Variants in KCP observed in about 807,000 individuals in gnomAD.
The protein encoded by KCP is kielin/chordin-like protein.
In KCP, 194 loss-of-function variants were observed where a neutral mutation model predicts 212.7. That is an observed-to-expected ratio of 0.91 (90% CI 0.81 to 1.03). KCP has a LOEUF of 1.03. Among genes scored for constraint, KCP ranks in the 50% least tolerant of loss-of-function variants. The pLI is 0.00. For synonymous variants in KCP, 833 were observed against 865.3 expected (o/e 0.96, Z 0.65); for missense variants, 2,080 against 2,162.5 (o/e 0.96, Z 0.76).
Position 128,877,077 on chromosome 7 carries a change from G to A in KCP, c.4853C>T (p.Pro1618Leu), listed in dbSNP as rs1164149153. 147 of 1,521,878 alleles carry A rather than the reference G, an allele frequency of 9.7e-5. No homozygotes were observed. Among genetic ancestry groups the A allele is most frequent in the Non-Finnish European group, 1.3e-4 (145 of 1,139,088 alleles). The allele number at this position is 1,521,878 out of a possible 1,614,324, so 94.3% of individuals were successfully genotyped here. The change falls in exon 40 of 40, where the codon CCC (proline) becomes CTC (leucine). Residue 1618 changes from proline (P) to leucine (L), a missense_variant. Transcript: ENST00000610776. The stretch of plus-strand genomic sequence containing the variant: ...CTCCTGGGGCTCCCGGCTGGGGCTG[G>A]GCCGAGCACCAAGTGGCTGGTCTCC... ...LTGDQPLGAR[P>L]SPSREPQETP
rs1393591989 is a variant in KCP, at chr7:128,877,314, G to T, written c.4619-3C>A. 6.5e-7 allele frequency: 1 copy of T among 1,526,788 alleles called. No individual in the cohort carries two copies. The highest frequency in any genetic ancestry group is 8.8e-7 in the Non-Finnish European group (1 of 1,139,200). The allele number at this position is 1,526,788 out of a possible 1,614,324, so 94.6% of individuals were successfully genotyped here. On this transcript the variant is annotated splice_region_variant and splice_polypyrimidine_tract_variant and intron_variant, in intron 39 of 39. Transcript: ENST00000610776. ...ACGCTCCAGGGGGCAGCCTACCACT[G>T]CAGGGGGAGTGGGAGGCGGGGTTAC...
At chr7:128,896,628 C>G (rs1794540112) in intron 8 of KCP, among the ~76,000 whole-genome samples, 1 of 152,054 alleles carries the variant, frequency 6.6e-6, no homozygotes, top group African/African-American at 2.4e-5. Context: ...CGGTGGCTCA[C>G]ACACCTGTAA....
rs757813837 is a variant in KCP, at chr7:128,893,419, C to T, written c.1157G>A (p.Arg386Gln). 27 of 1,551,654 alleles carry T rather than the reference C, an allele frequency of 1.7e-5. No individual in the cohort carries two copies. The East Asian group carries it at 3.2e-4, about 18-fold the overall frequency. The change falls in exon 12 of 40, where the codon CGG becomes CAG. Residue 386 changes from arginine to glutamine, a missense_variant. Arg to Gln is a conservative substitution (Grantham distance 43). Transcript: ENST00000610776. ...GCAGGAGCAGCGGACACAGAGGCCC[C>T]GCTCTTGGAGTCTGAAGGTCTCCTG... Reference protein sequence around the residue: ...QSQETFRLQERGLCVRCSCQA... With the variant: ...QSQETFRLQEQGLCVRCSCQA...
chr7:128,877,799 G>A lies in KCP; in HGVS notation c.4312-9C>T. The A allele has an allele frequency of 6.5e-7, 1 of 1,542,236 alleles. No individual in the cohort carries two copies. Among genetic ancestry groups the A allele is most frequent in the South Asian group, 1.2e-5 (1 of 83,114 alleles). ...CACAGCCCCTCTGAGACCTGGGTGG[G>A]GAGAGCAGCCCTGACGTGACAGCAC... On this transcript the variant is annotated splice_polypyrimidine_tract_variant and intron_variant, in intron 38 of 39. Coordinates refer to ENST00000610776, the MANE Select transcript of KCP (RefSeq NM_001366122.1).
intron 32 of KCP, 109 bp from the exon 33 acceptor site, chr7:128,880,830 A>G: frequency 2.5e-6 from 1 of 402,090 alleles, no homozygotes; most frequent in Non-Finnish European, 4.4e-6. Context: ...CCCACAATAC[A>G]TTCTTCACAG....
In KCP at chr7:128,886,525, G is replaced by A. The variant is rs1323583090; in HGVS notation, c.2805C>T (p.Cys935=). 1 of 1,550,902 alleles carries A rather than the reference G, an allele frequency of 6.4e-7. No individual in the cohort carries two copies. Among genetic ancestry groups the A allele is most frequent in the East Asian group, 2.4e-5 (1 of 40,914 alleles). ...AGQVSCVRLQ[C]PPLPCKLQVT... is the part of the protein sequence containing the mutation. Reference sequence around the variant, plus strand: ...CCTGGAGCTTGCAGGGAAGGGGTGGGCACTGCAGCCGCACACAGCTGACCT... The same window carrying A: ...CCTGGAGCTTGCAGGGAAGGGGTGGACACTGCAGCCGCACACAGCTGACCT... Residue 935 remains cysteine, a synonymous_variant, in exon 26 of 40, where the codon TGC becomes TGT. Coordinates refer to ENST00000610776, the MANE Select transcript of KCP (RefSeq NM_001366122.1).
intron 8 of KCP, among the ~76,000 whole-genome samples, chr7:128,898,412 A>G (rs983437728): frequency 2.6e-5 from 4 of 152,196 alleles, no homozygotes; most frequent in Admixed American, 2.6e-4. Flanking sequence ...AAGGCCTGGG[A>G]CATGTGGAGT....
intron 37 of KCP, 43 bp from the exon 38 acceptor site, chr7:128,878,765 G>C: frequency 6.5e-7 from 1 of 1,529,030 alleles, no homozygotes; most frequent in Non-Finnish European, 8.8e-7. Flanking sequence ...GAAGGACAGG[G>C]GCCTTAAGAA....
At position 128,892,849 on chromosome 7, in the gene KCP, G is replaced by A. The variant is rs1794252616; in HGVS notation, c.1420+20C>T. The A allele has an allele frequency of 6.4e-7, 1 of 1,551,002 alleles. No individual in the cohort carries two copies. Among genetic ancestry groups the A allele is most frequent in the Non-Finnish European group, 8.7e-7 (1 of 1,146,658 alleles). ...TGGGTAATGCAGGGGAAGAAAGCCA[G>A]GATCAGCCCAGGCACTCACCAGGGG... On this transcript the variant is annotated intron_variant, in intron 14 of 39. Coordinates refer to ENST00000610776, the MANE Select transcript of KCP (RefSeq NM_001366122.1).
Position 128,887,267 on chromosome 7 carries a change from C to A in KCP, c.2546G>T (p.Gly849Val), listed in dbSNP as rs1462919712. ...CRYHGVTTAS[G>V]ETLPDPLDPT... The stretch of plus-strand genomic sequence containing the variant: ...GTCAAGTGGGTCAGGAAGGGTCTCT[C>A]CGGAGGCAGTAGTGACGCCATGGTA... Residue 849 changes from glycine to valine, a missense_variant, in exon 23 of 40, where the codon GGA (glycine) becomes GTA (valine). Gly to Val is a moderately radical substitution (Grantham distance 109). Transcript: ENST00000610776. 1 of 1,551,382 alleles carries A rather than the reference C, an allele frequency of 6.4e-7. No individual in the cohort carries two copies. Among genetic ancestry groups the A allele is most frequent in the Admixed American group, 2.0e-5 (1 of 50,976 alleles).
In KCP at chr7:128,908,626, T is replaced by TGTC; in HGVS notation, c.77-59_77-58insGAC. 6 of 1,512,988 alleles carry TGTC rather than the reference T, an allele frequency of 4.0e-6. No individual in the cohort carries two copies. The South Asian group carries it at 7.4e-5, about 19-fold the overall frequency. The allele number at this position is 1,512,988 out of a possible 1,614,324, so 93.7% of individuals were successfully genotyped here. The stretch of plus-strand genomic sequence containing the variant: ...GGGTGAGGGGCTGGCCTGGCCACAT[T>TGTC]TTCTGGGTTCTGTCTTCTGACCCAC... On this transcript the variant is annotated intron_variant, in intron 1 of 39. Transcript: ENST00000610776.
At chr7:128,892,834 A>C in intron 14 of KCP, 35 bp downstream of exon 14, 1 of 1,551,118 alleles carries the variant, frequency 6.4e-7, no homozygotes, top group Non-Finnish European at 8.7e-7. Flanking sequence ...TGGGTAATGC[A>C]GGGGAAGAAA....
chr7:128,885,477 G>A (rs2128945479), intron 26 of KCP, among the ~76,000 whole-genome samples: 1 of 152,292 alleles, frequency 6.6e-6, no homozygotes, highest in Non-Finnish European at 1.5e-5. Flanking sequence ...TTCTAATCCT[G>A]TTCTGTTCCT....
At chr7:128,899,833 T>A (rs1006754464) in intron 8 of KCP, among the ~76,000 whole-genome samples, 2 of 152,220 alleles carry the variant, frequency 1.3e-5, no homozygotes, top group Non-Finnish European at 2.9e-5. Flanking sequence ...TGGCATACCT[T>A]AAGGAATCAT....
At chr7:128,902,717 TG>T (rs1794921024) in intron 8 of KCP, 59 bp downstream of exon 8, 2 of 1,432,608 alleles carry the variant, frequency 1.4e-6, no homozygotes, top group African/African-American at 2.8e-5. Flanking sequence ...AATGAGCAAA[TG>T]AATACAGTGG....
At chr7:128,896,874 A>G (rs1794558108) in intron 8 of KCP, among the ~76,000 whole-genome samples, 1 of 135,618 alleles carries the variant, frequency 7.4e-6, no homozygotes, top group South Asian at 2.5e-4. Context: ...CTGGCGACAG[A>G]GCAAGACTCC....
intron 26 of KCP, among the ~76,000 whole-genome samples, chr7:128,885,874 C>T (rs1363468955): frequency 6.6e-6 from 1 of 151,886 alleles, no homozygotes; most frequent in Non-Finnish European, 1.5e-5. Flanking sequence ...CCTCCACTTT[C>T]TCGTCTGTAA....
In KCP at chr7:128,884,090, A is replaced by G; in HGVS notation, c.3156T>C (p.Cys1052=). 1.3e-6 allele frequency: 2 copies of G among 1,544,712 alleles called. No individual in the cohort carries two copies. The highest frequency in any genetic ancestry group is 1.7e-6 in the Non-Finnish European group (2 of 1,145,208). Residue 1052 remains cysteine (C), a synonymous_variant, in exon 29 of 40, where the codon TGT becomes TGC. Coordinates refer to ENST00000610776, the MANE Select transcript of KCP (RefSeq NM_001366122.1). ...CCAGGCTGGGACACTGCCGCCGGTG[A>G]CAGCGAAGGCTGGGAGGCCCCTCAG... The part of the protein sequence containing the change: ...PQPEGPPSLR[C]HRRQCPSLVG...
At chr7:128,885,915 A>AG (rs66615149) in intron 26 of KCP, among the ~76,000 whole-genome samples, 59,051 of 151,920 alleles carry the variant, frequency 0.39, 13,445 homozygotes, top group African/African-American at 0.63. Flanking sequence ...TTATCTGGTA[A>AG]GTTGTTGTGC....
Sources: gnomAD v4.1 joint callset for allele counts (sites outside exome capture counted in the v4.1 genomes callset) on GRCh38, gnomAD v4.1.1 for gene constraint, MANE v1.5 for transcripts, NCBI Gene and HGNC (gene_info 2026-07-23, HGNC 2026-07-21) for gene names.